SIK3: variants seen among roughly 807,000 people sequenced by gnomAD.
SIK3 encodes the protein SIK family kinase 3, also known as serine/threonine-protein kinase SIK3.
In SIK3, 28 loss-of-function variants were observed where a neutral mutation model predicts 144.2. That is an observed-to-expected ratio of 0.19 (90% CI 0.14 to 0.27). The LOEUF is 0.27. SIK3 is among the 10% of genes least tolerant of loss of function. The pLI, the probability that SIK3 is intolerant of heterozygous loss-of-function variation, is 1.00. For synonymous variants in SIK3, 686 were observed against 676.3 expected, an observed-to-expected ratio of 1.01 and a Z score of -0.22; for missense variants, 1,319 against 1,776.0, an observed-to-expected ratio of 0.74 and a Z score of 4.62.
At chr11:117,053,577 C>T (rs1273064633) in intron 1 of SIK3, among the ~76,000 whole-genome samples, 1 of 152,134 alleles carries the variant, frequency 6.6e-6, no homozygotes, top group Non-Finnish European at 1.5e-5. Flanking sequence ...TTATATACAA[C>T]TACCTTAATA....
chr11:116,895,794 G>A (rs1945367551), intron 6 of SIK3, among the ~76,000 whole-genome samples: 1 of 152,142 alleles, frequency 6.6e-6, no homozygotes, highest in Non-Finnish European at 1.5e-5. Context: ...GCAAGACTAA[G>A]ATGCAAAGCC....
At chr11:116,863,896 A>G (rs932358753) in intron 15 of SIK3, 78 bp from the exon 16 acceptor site, 3 of 1,428,822 alleles carry the variant, frequency 2.1e-6, no homozygotes, top group Non-Finnish European at 2.8e-6. Flanking sequence ...GCTGTTCCAG[A>G]TGAACATAAA....
intron 4 of SIK3, among the ~76,000 whole-genome samples, chr11:116,898,022 G>C (rs1013396576): frequency 2.6e-5 from 4 of 151,844 alleles, no homozygotes; most frequent in Non-Finnish European, 5.9e-5. Flanking sequence ...TGTGCACAAT[G>C]TGCAGGTTAG....
chr11:117,075,918 G>A lies in SIK3; in HGVS notation c.273+22225C>T, dbSNP rs192736696. 5.4e-3 allele frequency among the ~76,000 whole-genome samples: 724 copies of A among 134,562 alleles called. 5 individuals are homozygous for A. Among genetic ancestry groups the A allele is most frequent in the Non-Finnish European group, 7.0e-3 (464 of 65,932 alleles). 88.3% of individuals were successfully genotyped at this position (134,562 alleles called of 152,430 possible). On this transcript the variant is annotated intron_variant, in intron 1 of 24. Transcript: ENST00000445177. ...AGGCTGGAGTGCAATGCACGATCTCGGCTCACTGCAACCTCCACCTCCTGG... is the reference window on the plus strand; with the variant it reads ...AGGCTGGAGTGCAATGCACGATCTCAGCTCACTGCAACCTCCACCTCCTGG...
chr11:117,019,714 C>T (rs1290411058), intron 1 of SIK3, among the ~76,000 whole-genome samples: 2 of 151,420 alleles, frequency 1.3e-5, no homozygotes, highest in African/African-American at 4.9e-5. Flanking sequence ...CCCGGGTTCA[C>T]GTGATTCTCC....
intron 14 of SIK3, chr11:116,869,874 C>A: frequency 3.2e-6 from 1 of 311,272 alleles, no homozygotes; most frequent in African/African-American, 2.2e-5. Flanking sequence ...GGAAGAAGCA[C>A]ACAGCAAACA....
intron 15 of SIK3, chr11:116,864,194 A>C (rs575950464): frequency 1.3e-5 from 2 of 158,722 alleles, no homozygotes; most frequent in Admixed American, 1.2e-4. Context: ...GTGCCTTTAG[A>C]AACCTTAAAT....
intron 1 of SIK3, among the ~76,000 whole-genome samples, chr11:116,966,913 G>C (rs1949569739): frequency 6.7e-6 from 1 of 149,996 alleles, no homozygotes; most frequent in Non-Finnish European, 1.5e-5. Context: ...GCTGAGGCAG[G>C]GGAATTGCTT....
chr11:116,890,196 A>T (rs1192727510), intron 6 of SIK3, among the ~76,000 whole-genome samples: 3 of 152,322 alleles, frequency 2.0e-5, no homozygotes, highest in African/African-American at 7.2e-5. Context: ...TATGAAGAAA[A>T]AGCAGAATTA....
chr11:117,024,378 T>C (rs1206737002), intron 1 of SIK3, among the ~76,000 whole-genome samples: 2 of 150,048 alleles, frequency 1.3e-5, no homozygotes, highest in Non-Finnish European at 3.0e-5. Flanking sequence ...TAATAACACA[T>C]GCTCATTTCT....
At chr11:116,948,300 C>T (rs1482816086) in intron 3 of SIK3, among the ~76,000 whole-genome samples, 2 of 151,442 alleles carry the variant, frequency 1.3e-5, no homozygotes, top group Non-Finnish European at 2.9e-5. Context: ...TTTTTTAAGA[C>T]AGGGTCTTGC....
chr11:117,026,946 G>T (rs567229158), intron 1 of SIK3, among the ~76,000 whole-genome samples: 2 of 152,326 alleles, frequency 1.3e-5, no homozygotes, highest in East Asian at 1.9e-4. Context: ...AAGTAAGGGG[G>T]TAAAAACATA....
intron 2 of SIK3, 141 bp downstream of exon 2, chr11:116,956,807 A>G: frequency 9.9e-6 from 5 of 503,912 alleles, no homozygotes; most frequent in Admixed American, 3.1e-5. Flanking sequence ...GCGCGTAAAC[A>G]GAAGGGTAGG....
intron 4 of SIK3, among the ~76,000 whole-genome samples, chr11:116,924,208 C>T (rs188865683): frequency 9.9e-5 from 15 of 151,628 alleles, no homozygotes; most frequent in Non-Finnish European, 1.8e-4. Context: ...GTAGGAGAAT[C>T]GCTTGAACCT....
intron 1 of SIK3, among the ~76,000 whole-genome samples, chr11:117,020,242 T>TAC (rs1365162139): frequency 2.4e-4 from 25 of 106,038 alleles, no homozygotes; most frequent in African/African-American, 8.7e-4. Flanking sequence ...TGTGCATATA[T>TAC]ATATACACAT....
chr11:117,014,154 T>A (rs1238316863), intron 1 of SIK3, among the ~76,000 whole-genome samples: 1 of 151,162 alleles, frequency 6.6e-6, no homozygotes, highest in Non-Finnish European at 1.5e-5. Flanking sequence ...CCAGTCAGTG[T>A]TCTTTCTATT....
intron 22 of SIK3, among the ~76,000 whole-genome samples, 180 bp downstream of exon 22, chr11:116,848,940 G>A (rs1942209462): frequency 6.6e-6 from 1 of 152,194 alleles, no homozygotes; most frequent in South Asian, 2.1e-4. Context: ...TCCCGCCTGG[G>A]CGACAGAGTG....
intron 1 of SIK3, among the ~76,000 whole-genome samples, chr11:117,029,349 T>TA (rs1952159593): frequency 1.3e-5 from 2 of 152,026 alleles, no homozygotes; most frequent in Admixed American, 6.5e-5. Flanking sequence ...CCCAGCTACT[T>TA]AGGAGGCTGA....
At chr11:116,879,024 A>T (rs1156803769) in intron 6 of SIK3, among the ~76,000 whole-genome samples, 1 of 152,176 alleles carries the variant, frequency 6.6e-6, no homozygotes, top group Admixed American at 6.5e-5. Context: ...ACTGCAATGC[A>T]AGGCCCATGT....
Sources: allele counts gnomAD v4.1 joint callset (sites outside exome capture counted in the v4.1 genomes callset), GRCh38; gene constraint gnomAD v4.1.1; transcripts MANE v1.5; gene names NCBI Gene and HGNC (gene_info 2026-07-23, HGNC 2026-07-21).